The following BEND3 variants were observed in gnomAD, a reference collection of about 807,000 sequenced individuals.
BEND3 encodes BEN domain containing 3, also known as BEN domain-containing protein 3.
Under a neutral mutation model 60.1 loss-of-function variants are expected in BEND3, and 13 were observed. That is an observed-to-expected ratio of 0.22 (90% confidence interval 0.14 to 0.34). The LOEUF is 0.34. Ranked by LOEUF, BEND3 falls within the 10% of genes least tolerant of loss-of-function variation. The pLI is 1.00. For missense variants in BEND3, 896 were observed against 1,138.1 expected (o/e 0.79, Z 3.06); for synonymous variants, 497 against 491.5 (o/e 1.01, Z -0.15).
intron 3 of BEND3, among the ~76,000 whole-genome samples, chr6:107,080,365 A>C (rs1329245435): frequency 5.3e-5 from 8 of 149,604 alleles, no homozygotes; most frequent in African/African-American, 1.0e-4. Context: ...AAAAAAAAAA[A>C]AAAAAAAAAA....
chr6:107,088,082 C>T (rs1483618160), intron 3 of BEND3, among the ~76,000 whole-genome samples: 1 of 147,762 alleles, frequency 6.8e-6, no homozygotes, highest in Non-Finnish European at 1.5e-5. Context: ...GCAATCTTGG[C>T]TCACTGCAGC....
rs1482550970 is a variant in BEND3 at position 107,115,481 on chromosome 6, G to C, written c.-403C>G. ...GGGGAGCTCGGGCGCGCACTCCCGG[G>C]ACCCAGGCGGCCCGGCGCGCTCGGC... is the stretch of plus-strand genomic sequence containing the variant. On this transcript the variant is annotated 5_prime_UTR_variant, in exon 1 of 4. Transcript: ENST00000369042. Among the ~76,000 whole-genome samples, 1 of 147,016 alleles carries C rather than the reference G, an allele frequency of 6.8e-6. No individual in the cohort carries two copies. Among genetic ancestry groups the C allele is most frequent in the African/African-American group, 2.4e-5 (1 of 40,866 alleles).
In BEND3 at chr6:107,080,351, T is replaced by A. The variant is rs146340565; in HGVS notation, c.241-9401A>T. Among the ~76,000 whole-genome samples the A allele has an allele frequency of 1.3e-3, 83 of 61,838 alleles. No individual in the cohort carries two copies. The East Asian group carries it at 0.029, about 22-fold the overall frequency. 40.6% of individuals were successfully genotyped at this position (61,838 alleles called of 152,430 possible). A position where few individuals can be genotyped will look rare whatever the true frequency, so the allele number is the denominator to read the frequency against. ...GCCTGAGCCACAGAATGAGATCCCATCTCAAAAAAAAAAAAAAAAAAAAAA... is the reference window on the plus strand; with the variant it reads ...GCCTGAGCCACAGAATGAGATCCCAACTCAAAAAAAAAAAAAAAAAAAAAA... On this transcript the variant is annotated intron_variant, in intron 3 of 3. Coordinates refer to ENST00000369042, the MANE Select transcript of BEND3 (RefSeq NM_001367314.1).
At position 107,068,916 on chromosome 6, in the gene BEND3, GC is replaced by G; in HGVS notation, c.2274del (p.Leu759CysfsTer74). The G allele has an allele frequency of 6.2e-7, 1 of 1,613,974 alleles. No homozygotes were observed. The highest frequency in any genetic ancestry group is 8.5e-7 in the Non-Finnish European group (1 of 1,180,026). ...CAAGCCCCGGAATGGTTGTACTGCAGCCGGAGGTTCTCGGCGGTGAAGAGTT... is the reference window on the plus strand; with the variant it reads ...CAAGCCCCGGAATGGTTGTACTGCAGCGGAGGTTCTCGGCGGTGAAGAGTT... ...FPELFTAENL[R>X]LQYNHSGACN... On this transcript the variant is annotated frameshift_variant, in exon 4 of 4. Transcript: ENST00000369042. LOFTEE classifies it high-confidence loss of function. This position sits in a 1 kb window ranked among gnomAD's most constrained non-coding sequence, Gnocchi z 5.8.
At position 107,103,645 on chromosome 6, in the gene BEND3, GA is replaced by G. The variant is rs540042557; in HGVS notation, c.-11-4350del. Among the ~76,000 whole-genome samples the G allele has an allele frequency of 3.3e-3, 504 of 151,336 alleles. 1 individual carries two copies. Among genetic ancestry groups the G allele is most frequent in the Non-Finnish European group, 4.3e-3 (295 of 67,858 alleles). On this transcript the variant is annotated intron_variant, in intron 1 of 3. Coordinates refer to ENST00000369042, the MANE Select transcript of BEND3 (RefSeq NM_001367314.1). ...CCTCAGACAGCTGAGCTAAGCCTAG[GA>G]AAAAAGAAAAAGAAAAAAGAGGCCA...
intron 3 of BEND3, among the ~76,000 whole-genome samples, chr6:107,094,723 G>C (rs1554235725): frequency 6.6e-6 from 1 of 151,498 alleles, no homozygotes; most frequent in African/African-American, 2.4e-5. Flanking sequence ...GCATGGTGCT[G>C]CCATGCCTGT....
At chr6:107,099,325 G>A (rs781891012) in intron 1 of BEND3, 29 bp from the exon 2 acceptor site, 14 of 1,570,746 alleles carry the variant, frequency 8.9e-6, no homozygotes, top group Non-Finnish European at 1.2e-5. Context: ...ACAATGTGTT[G>A]ACTTATTGCT....
intron 3 of BEND3, among the ~76,000 whole-genome samples, chr6:107,094,962 A>G (rs1562311392): frequency 6.6e-6 from 1 of 151,820 alleles, no homozygotes; most frequent in African/African-American, 2.4e-5. Flanking sequence ...CTGGGACTAC[A>G]GGTGTGTGCC....
In BEND3 at chr6:107,070,716, C is replaced by T. The variant is rs1554231911; in HGVS notation, c.475G>A (p.Ala159Thr). Residue 159 changes from alanine (A) to threonine (T), a missense_variant, in exon 4 of 4, where the codon GCA becomes ACA. This residue lies in a region of BEND3 where 846 missense variants were observed against 1,036.7 expected (regional missense o/e 0.82). Transcript: ENST00000369042. This position sits in a 1 kb window ranked among gnomAD's most constrained non-coding sequence, Gnocchi z 6.9. ...LLNVYELFEKANASNSPSSLR... is the reference protein window; with the variant it reads ...LLNVYELFEKTNASNSPSSLR... The stretch of plus-strand genomic sequence containing the variant: ...GACGAGGGGCTGTTGCTGGCGTTTG[C>T]CTTCTCAAAGAGCTCGTACACGTTT... The T allele has an allele frequency of 1.9e-6, 3 of 1,613,676 alleles. No individual in the cohort carries two copies. The highest frequency in any genetic ancestry group is 1.7e-4 in the Middle Eastern group (1 of 5,752).
chr6:107,072,436 T>C (rs1357076561), intron 3 of BEND3, among the ~76,000 whole-genome samples: 1 of 152,204 alleles, frequency 6.6e-6, no homozygotes, highest in Non-Finnish European at 1.5e-5. Flanking sequence ...GCTCTCAGTT[T>C]ATCTCATCCA....
At chr6:107,096,044 T>C (rs972571702) in intron 3 of BEND3, among the ~76,000 whole-genome samples, 2 of 152,176 alleles carry the variant, frequency 1.3e-5, no homozygotes, top group Non-Finnish European at 2.9e-5. Context: ...TGGGCAATAA[T>C]GTGTCAATGG....
chr6:107,067,487 C>G lies in BEND3; in HGVS notation c.*1217G>C, dbSNP rs1482099731. ...GGGAGGGAACGAAGACATGTGCCCCCCAAGGCAGGGGGTGGCCAGGTATAG... is the reference window on the plus strand; with the variant it reads ...GGGAGGGAACGAAGACATGTGCCCCGCAAGGCAGGGGGTGGCCAGGTATAG... On this transcript the variant is annotated 3_prime_UTR_variant, in exon 4 of 4. Coordinates refer to ENST00000369042, the MANE Select transcript of BEND3 (RefSeq NM_001367314.1). 1 of 152,208 alleles carries G rather than the reference C, an allele frequency of 6.6e-6. No homozygotes were observed. The highest frequency in any genetic ancestry group is 2.4e-5 in the African/African-American group (1 of 41,450). The allele number at this position is 152,208 out of a possible 1,614,324, so 9.4% of individuals were successfully genotyped here.
intron 3 of BEND3, among the ~76,000 whole-genome samples, chr6:107,073,361 T>C (rs1333085384): frequency 7.1e-6 from 1 of 141,838 alleles, no homozygotes; most frequent in African/African-American, 2.6e-5. Context: ...ACCAAGGACA[T>C]ACCAGAGTGG....
At chr6:107,086,024 T>C (rs1554234184) in intron 3 of BEND3, among the ~76,000 whole-genome samples, 1 of 151,898 alleles carries the variant, frequency 6.6e-6, no homozygotes, top group East Asian at 1.9e-4. Flanking sequence ...CCTGACCTCG[T>C]GATCTGCCCG....
At chr6:107,075,595 G>T (rs1775084305) in intron 3 of BEND3, among the ~76,000 whole-genome samples, 1 of 152,186 alleles carries the variant, frequency 6.6e-6, no homozygotes, top group Admixed American at 6.5e-5. Context: ...CCAATAGAGA[G>T]AAATTTGGGT....
chr6:107,106,878 G>T (rs1775826488), intron 1 of BEND3, among the ~76,000 whole-genome samples: 1 of 151,834 alleles, frequency 6.6e-6, no homozygotes, highest in Admixed American at 6.6e-5. Context: ...AAAGTGCTGG[G>T]ATTTCAGATG....
chr6:107,114,252 G>T (rs868984419), intron 1 of BEND3: 1 of 152,182 alleles, frequency 6.6e-6, no homozygotes, highest in Admixed American at 6.5e-5. Context: ...GGAAAGGAGC[G>T]CTCACGAGGA....
intron 3 of BEND3, among the ~76,000 whole-genome samples, chr6:107,089,748 T>C (rs1554234891): frequency 1.3e-5 from 2 of 150,538 alleles, no homozygotes; most frequent in Non-Finnish European, 3.0e-5. Context: ...GCACGCACAA[T>C]TGTGCACGGC....
intron 1 of BEND3, 56 bp from the exon 2 acceptor site, chr6:107,099,352 T>C (rs1192532252): frequency 2.3e-5 from 35 of 1,503,684 alleles, no homozygotes; most frequent in Non-Finnish European, 2.8e-6. Context: ...ATTTCTTAAT[T>C]TTCTCTACCC....
Sources: allele counts gnomAD v4.1 joint callset (sites outside exome capture counted in the v4.1 genomes callset), GRCh38; gene constraint gnomAD v4.1.1; regional missense constraint gnomAD v4.1.1; non-coding constraint Gnocchi (gnomAD v3.1); transcripts MANE v1.5; gene names NCBI Gene and HGNC (gene_info 2026-07-23, HGNC 2026-07-21).